The following PNPLA1 variants were observed in gnomAD, a reference collection of about 807,000 sequenced individuals.
PNPLA1 encodes patatin like domain 1, omega-hydroxyceramide transacylase, also known as omega-hydroxyceramide transacylase.
In PNPLA1, 36 loss-of-function variants were observed where a neutral mutation model predicts 51.7. The observed-to-expected ratio is 0.70, with a 90% confidence interval of 0.53 to 0.92. The LOEUF (loss-of-function observed/expected upper bound fraction) is 0.92. PNPLA1 is among the 40% of genes least tolerant of loss of function. PNPLA1 has a pLI of 0.00. For missense variants in PNPLA1, 658 were observed against 682.5 expected (o/e 0.96, Z 0.40); for synonymous variants, 293 against 280.1 (o/e 1.05, Z -0.46).
intron 5 of PNPLA1, among the ~76,000 whole-genome samples, chr6:36,300,161 T>TTGTGTG (rs145503312): frequency 0.025 from 2,536 of 101,990 alleles, 346 homozygotes; most frequent in Admixed American, 0.039. Flanking sequence ...TTTCTTATTC[T>TTGTGTG]TGTGTGTGTG....
chr6:36,261,836 C>T (rs1372424117), intron 1 of PNPLA1, among the ~76,000 whole-genome samples: 1 of 152,180 alleles, frequency 6.6e-6, no homozygotes, highest in African/African-American at 2.4e-5. Flanking sequence ...CCTAAGTGGC[C>T]ATACTGTACC....
chr6:36,268,530 C>T (rs1769816333), upstream of PNPLA1, among the ~76,000 whole-genome samples: 1 of 152,112 alleles, frequency 6.6e-6, no homozygotes, highest in Admixed American at 6.5e-5. Flanking sequence ...CTTGCTGCTC[C>T]TCGACCAGTG....
intron 1 of PNPLA1, among the ~76,000 whole-genome samples, chr6:36,282,020 T>C (rs1392571073): frequency 1.1e-5 from 1 of 90,880 alleles, no homozygotes. Context: ...TGAAACTCTG[T>C]GAAAGAGAGA....
At chr6:36,285,340 G>A (rs556440216) in intron 1 of PNPLA1, among the ~76,000 whole-genome samples, 13 of 152,312 alleles carry the variant, frequency 8.5e-5, no homozygotes, top group Admixed American at 4.6e-4. Context: ...TGAACCGGAG[G>A]TTGTTGCTAG....
At chr6:36,307,828 A>G (rs1771290263) in intron 8 of PNPLA1, 116 bp downstream of exon 8, 2 of 1,350,286 alleles carry the variant, frequency 1.5e-6, no homozygotes, top group Non-Finnish European at 2.0e-6. Flanking sequence ...GCAGTGGGAG[A>G]TTGGGCTTTG....
At chr6:36,282,074 A>AAAGT (rs1386676729) in intron 1 of PNPLA1, among the ~76,000 whole-genome samples, 8 of 131,758 alleles carry the variant, frequency 6.1e-5, no homozygotes, top group African/African-American at 2.1e-4. Context: ...AGAAAGAAAG[A>AAAGT]AAGAAAGAAA....
intron 5 of PNPLA1, among the ~76,000 whole-genome samples, chr6:36,300,213 G>C (rs34927038): frequency 0.11 from 16,210 of 146,238 alleles, 1,169 homozygotes; most frequent in Middle Eastern, 0.22. Context: ...GAGAGAGAGA[G>C]AGACAGAGTC....
chr6:36,282,212 G>GAAGGGAAGGAAGGAAGGAAGGAA, intron 1 of PNPLA1, among the ~76,000 whole-genome samples: 1 of 108,730 alleles, frequency 9.2e-6, no homozygotes, highest in East Asian at 2.7e-4. Context: ...AAGGAAGGAA[G>GAAGGGAAGGAAGGAAGGAAGGAA]GGAAGGAAGG....
At chr6:36,267,757 C>G (rs1769796431), upstream of PNPLA1, among the ~76,000 whole-genome samples, 1 of 152,158 alleles carries the variant, frequency 6.6e-6, no homozygotes, top group African/African-American at 2.4e-5. Context: ...TGGCAGGGAT[C>G]TCTGTCCTTG....
intron 1 of PNPLA1, among the ~76,000 whole-genome samples, chr6:36,264,011 G>A (rs1464387253): frequency 6.6e-6 from 1 of 152,172 alleles, no homozygotes; most frequent in Non-Finnish European, 1.5e-5. Flanking sequence ...GCTCTGGGCT[G>A]TGCTCTCCTT....
chr6:36,247,539 A>T (rs1769321451), intron 1 of PNPLA1, among the ~76,000 whole-genome samples: 1 of 152,256 alleles, frequency 6.6e-6, no homozygotes, highest in African/African-American at 2.4e-5. Flanking sequence ...TAGTAAGTGC[A>T]TATTCATTAA....
chr6:36,254,908 G>C (rs1769497463), intron 1 of PNPLA1, among the ~76,000 whole-genome samples: 1 of 152,020 alleles, frequency 6.6e-6, no homozygotes, highest in Non-Finnish European at 1.5e-5. Flanking sequence ...ATGTTCAAAG[G>C]GAGGGCAGGG....
chr6:36,243,643 A>G (rs562145780), intron 1 of PNPLA1, among the ~76,000 whole-genome samples: 115 of 152,306 alleles, frequency 7.6e-4, no homozygotes, highest in African/African-American at 2.7e-3. Flanking sequence ...CCCTACTACC[A>G]GAGAGCCCAG....
chr6:36,252,597 A>G (rs1216433324), intron 1 of PNPLA1, among the ~76,000 whole-genome samples: 1 of 151,116 alleles, frequency 6.6e-6, no homozygotes, highest in Non-Finnish European at 1.5e-5. Flanking sequence ...GGGAAGACAC[A>G]GGTACTTAAT....
At chr6:36,287,805 GAAGT>G (rs1770546132) in intron 1 of PNPLA1, among the ~76,000 whole-genome samples, 2 of 150,860 alleles carry the variant, frequency 1.3e-5, no homozygotes, top group East Asian at 3.9e-4. Context: ...CCCCTGGAGA[GAAGT>G]AAGAAGATGC....
chr6:36,275,145 C>T (rs914130595), intron 1 of PNPLA1, among the ~76,000 whole-genome samples: 3 of 152,210 alleles, frequency 2.0e-5, no homozygotes, highest in African/African-American at 7.2e-5. Context: ...GTGGCACATT[C>T]ATGGCTCACT....
intron 1 of PNPLA1, among the ~76,000 whole-genome samples, chr6:36,288,498 T>C (rs1324166523): frequency 2.7e-5 from 4 of 148,016 alleles, no homozygotes; most frequent in Non-Finnish European, 6.0e-5. Flanking sequence ...CAGGCCGGAC[T>C]GCGGACTGCA....
chr6:36,283,628 C>G (rs916818842), intron 1 of PNPLA1, among the ~76,000 whole-genome samples: 1 of 152,092 alleles, frequency 6.6e-6, no homozygotes, highest in African/African-American at 2.4e-5. Context: ...GACCCTATCT[C>G]TAAAAAAATT....
Position 36,293,144 on chromosome 6 carries a change from G to C in PNPLA1, c.504+18G>C, listed in dbSNP as rs1354438810. On this transcript the variant is annotated intron_variant, in intron 3 of 8. Coordinates refer to ENST00000636260, the MANE Select transcript of PNPLA1 (RefSeq NM_001374623.1). The stretch of plus-strand genomic sequence containing the variant: ...GCGGTGTGGTGAGTGCTTCGGCATG[G>C]TGAGGGGTGAGATGGGATCCAAGGG... The C allele has an allele frequency of 3.7e-6, 6 of 1,611,528 alleles. No individual in the cohort carries two copies. Among genetic ancestry groups the C allele is most frequent in the Admixed American group, 1.7e-5 (1 of 59,976 alleles).
Sources: allele counts gnomAD v4.1 joint callset (sites outside exome capture counted in the v4.1 genomes callset), GRCh38; gene constraint gnomAD v4.1.1; transcripts MANE v1.5; gene names NCBI Gene and HGNC (gene_info 2026-07-23, HGNC 2026-07-21).